Variants in ERC1 observed in about 807,000 individuals in gnomAD.
ERC1 encodes RAB6 interacting protein 2.
Under a neutral mutation model 132.0 loss-of-function variants are expected in ERC1, and 56 were observed. The observed-to-expected ratio is 0.42, with a 90% CI of 0.34 to 0.53. The LOEUF (loss-of-function observed/expected upper bound fraction) is 0.53, where lower values mean the gene tolerates loss of function less well. Ranked by LOEUF, ERC1 falls within the 20% of genes least tolerant of loss-of-function variation. The pLI is 0.03. For synonymous variants in ERC1, 478 were observed against 476.1 expected (o/e 1.00, Z -0.05); for missense variants, 1,202 against 1,349.9 (o/e 0.89, Z 1.72).
At chr12:1,333,020 G>GTCCTGATCCTCA in intron 15 of ERC1, among the ~76,000 whole-genome samples, 1 of 93,866 alleles carries the variant, frequency 1.1e-5, no homozygotes, top group South Asian at 3.3e-4. Context: ...TTTATAATTC[G>GTCCTGATCCTCA]TCCTGATCCT....
At chr12:1,377,647 C>T (rs1468358351) in intron 16 of ERC1, among the ~76,000 whole-genome samples, 1 of 152,204 alleles carries the variant, frequency 6.6e-6, no homozygotes, top group African/African-American at 2.4e-5. Flanking sequence ...TTTTTTCTCA[C>T]ATGATGTAGA....
Position 1,337,704 on chromosome 12 carries a change from T to C in ERC1, c.2781-34129T>C, listed in dbSNP as rs187584485. ...GGTCTTTCCTTTCCATATTTAGTGCTTCCTTAAGGAGCTCTTGTAAGGCAG... is the reference window on the plus strand; with the variant it reads ...GGTCTTTCCTTTCCATATTTAGTGCCTCCTTAAGGAGCTCTTGTAAGGCAG... On this transcript the variant is annotated intron_variant, in intron 15 of 18. Transcript: ENST00000360905. 3.9e-4 allele frequency among the ~76,000 whole-genome samples: 60 copies of C among 152,350 alleles called. 1 individual carries two copies. The highest frequency in any genetic ancestry group is 1.3e-3 in the African/African-American group (55 of 41,586).
chr12:1,043,836 G>A (rs532152524), intron 2 of ERC1, among the ~76,000 whole-genome samples: 99 of 117,466 alleles, frequency 8.4e-4, no homozygotes, highest in African/African-American at 2.4e-3. Flanking sequence ...CAGCAACATT[G>A]CATTGTTGCT....
intron 4 of ERC1, among the ~76,000 whole-genome samples, chr12:1,106,679 C>G (rs1945300483): frequency 6.6e-6 from 1 of 151,792 alleles, no homozygotes; most frequent in Non-Finnish European, 1.5e-5. Flanking sequence ...ATGGTTTTAC[C>G]CTTTCCACAT....
At chr12:1,412,102 A>T (rs1408947260) in intron 17 of ERC1, among the ~76,000 whole-genome samples, 2 of 152,246 alleles carry the variant, frequency 1.3e-5, no homozygotes, top group Non-Finnish European at 2.9e-5. Flanking sequence ...CCAATTTTAT[A>T]AAATGTGCTG....
At chr12:1,258,890 C>G (rs55869390) in intron 13 of ERC1, among the ~76,000 whole-genome samples, 3,089 of 152,100 alleles carry the variant, frequency 0.02, 61 homozygotes, top group South Asian at 0.058. Context: ...TTTCTTTTTT[C>G]TGATCATGAG....
intron 1 of ERC1, among the ~76,000 whole-genome samples, chr12:1,013,018 T>G (rs1454959335): frequency 6.6e-6 from 1 of 152,224 alleles, no homozygotes; most frequent in Non-Finnish European, 1.5e-5. Context: ...GAATAGACGT[T>G]TGTGAACAGG....
intron 14 of ERC1, among the ~76,000 whole-genome samples, chr12:1,267,527 C>T (rs887720949): frequency 7.3e-4 from 111 of 152,296 alleles, no homozygotes; most frequent in Middle Eastern, 3.4e-3. Flanking sequence ...GGGAGGCAGA[C>T]GCTGGAGGAT....
At chr12:1,320,316 C>T (rs189091316) in intron 15 of ERC1, among the ~76,000 whole-genome samples, 91 of 152,300 alleles carry the variant, frequency 6.0e-4, no homozygotes, top group Admixed American at 2.4e-3. Flanking sequence ...CCCACATGTG[C>T]TCTCACCCAA....
rs548804260 is a variant in ERC1 at position 1,244,667 on chromosome 12, G to A, written c.2487+7763G>A. 4.4e-4 allele frequency: 178 copies of A among 401,272 alleles called. 3 individuals are homozygous for A. The highest frequency in any genetic ancestry group is 3.0e-3 in the South Asian group (168 of 55,084). The allele number at this position is 401,272 out of a possible 1,614,324, so 24.9% of individuals were successfully genotyped here. A position where few individuals can be genotyped will look rare whatever the true frequency, so the allele number is the denominator to read the frequency against. ...CACCCGAGTAGCTGGGATTCCAGGCGTGTGCCACCATGCCTGGCTAATTTT... is the reference window on the plus strand; with the variant it reads ...CACCCGAGTAGCTGGGATTCCAGGCATGTGCCACCATGCCTGGCTAATTTT... On this transcript the variant is annotated intron_variant, in intron 13 of 18. Transcript: ENST00000360905.
At chr12:1,380,703 G>A (rs2088548997) in intron 16 of ERC1, 1 of 152,314 alleles carries the variant, frequency 6.6e-6, no homozygotes, top group East Asian at 1.9e-4. Context: ...CCACTAAGCT[G>A]CCTTTATACA....
intron 10 of ERC1, 32 bp downstream of exon 10, chr12:1,182,097 T>G (rs758842860): frequency 3.1e-6 from 5 of 1,605,362 alleles, no homozygotes; most frequent in Non-Finnish European, 4.3e-6. Flanking sequence ...TTAGTTTGTT[T>G]GCTTAATCAT....
intron 14 of ERC1, among the ~76,000 whole-genome samples, chr12:1,272,236 A>G (rs1018710843): frequency 4.6e-5 from 7 of 152,232 alleles, no homozygotes; most frequent in Non-Finnish European, 8.8e-5. Flanking sequence ...TGGTAAAGCC[A>G]TAGTAAACAT....
At chr12:1,451,182 A>G (rs1289489030) in intron 18 of ERC1, among the ~76,000 whole-genome samples, 1 of 152,138 alleles carries the variant, frequency 6.6e-6, no homozygotes, top group Admixed American at 6.5e-5. Flanking sequence ...CCATTTGTCT[A>G]TTTTAATCAT....
intron 15 of ERC1, among the ~76,000 whole-genome samples, chr12:1,352,422 A>G (rs182047847): frequency 1.3e-5 from 2 of 152,226 alleles, no homozygotes; most frequent in Non-Finnish European, 2.9e-5. Flanking sequence ...AAATCACTGG[A>G]CCATCAGGCT....
chr12:1,101,338 A>G (rs1360740573), intron 3 of ERC1, among the ~76,000 whole-genome samples: 1 of 152,082 alleles, frequency 6.6e-6, no homozygotes, highest in Admixed American at 6.5e-5. Flanking sequence ...ACACTTCTAT[A>G]TTGCTTTAGT....
chr12:1,091,927 C>A (rs1943272396), intron 3 of ERC1, among the ~76,000 whole-genome samples: 1 of 151,616 alleles, frequency 6.6e-6, no homozygotes, highest in Admixed American at 6.6e-5. Flanking sequence ...GCTGGCAATG[C>A]TAGGGTATCC....
At chr12:1,325,035 TTAAAAA>T (rs1256066006) in intron 15 of ERC1, among the ~76,000 whole-genome samples, 1 of 152,098 alleles carries the variant, frequency 6.6e-6, no homozygotes, top group African/African-American at 2.4e-5. Flanking sequence ...TCTCTGAACT[TTAAAAA>T]TAATCAACTG....
chr12:1,282,309 T>C (rs922165869), intron 14 of ERC1, among the ~76,000 whole-genome samples: 2 of 152,176 alleles, frequency 1.3e-5, no homozygotes, highest in Admixed American at 6.5e-5. Flanking sequence ...ACTAACCCTG[T>C]TTCTTTTGCC....
Sources: gnomAD v4.1 joint callset for allele counts (sites outside exome capture counted in the v4.1 genomes callset) on GRCh38, gnomAD v4.1.1 for gene constraint, MANE v1.5 for transcripts, NCBI Gene and HGNC (gene_info 2026-07-23, HGNC 2026-07-21) for gene names.